Variants in CDH26 observed in about 807,000 individuals in gnomAD.
CDH26 encodes the protein cadherin-like protein 26.
Under a neutral mutation model 90.3 loss-of-function variants are expected in CDH26, and 83 were observed. The observed-to-expected ratio is 0.92, with a 90% CI of 0.77 to 1.10. The LOEUF (loss-of-function observed/expected upper bound fraction) is 1.10. CDH26 is among the 50% of genes least tolerant of loss of function. The pLI is 0.00. For missense variants in CDH26, 1,013 were observed against 1,037.6 expected, an observed-to-expected ratio of 0.98 and a Z score of 0.33; for synonymous variants, 397 against 396.3, an observed-to-expected ratio of 1.00 and a Z score of -0.02.
In CDH26 at chr20:60,023,210, TACTCC is replaced by T. The variant is rs1313553839; in HGVS notation, c.948-8015_948-8011del. Among the ~76,000 whole-genome samples, 7 of 152,356 alleles carry T rather than the reference TACTCC, an allele frequency of 4.6e-5. No homozygotes were observed. The East Asian group carries it at 1.4e-3, about 29-fold the overall frequency. On this transcript the variant is annotated intron_variant, in intron 7 of 8. Coordinates refer to the CDH26 transcript ENST00000370991. ...GAGGTGCCTGTGCACCAGGGAGCCC[TACTCC>T]ACTCCTGAACCACCTTCCTCTAGAC...
At position 59,984,777 on chromosome 20, in the gene CDH26, T is replaced by G. The variant is rs1209241133; in HGVS notation, c.680T>G (p.Ile227Arg). 3.1e-6 allele frequency: 5 copies of G among 1,612,142 alleles called. No homozygotes were observed. Residue 227 changes from isoleucine (I) to arginine (R), a missense_variant, in exon 6 of 18, where the codon ATA (isoleucine) becomes AGA (arginine). Transcript: ENST00000348616. The stretch of plus-strand genomic sequence containing the variant: ...CGGGTTGATCGCCTTAGTGGAGAAA[T>G]ACGACTCTCTGGCTGCTTAGATTAT... ...GFRVDRLSGE[I>R]RLSGCLDYET...
At chr20:59,966,574 G>A (rs2061151954) in intron 1 of CDH26, among the ~76,000 whole-genome samples, 1 of 152,214 alleles carries the variant, frequency 6.6e-6, no homozygotes, top group South Asian at 2.1e-4. Flanking sequence ...AGAATACAAT[G>A]GGGAGTTTGG....
intron 7 of CDH26, among the ~76,000 whole-genome samples, chr20:60,026,865 G>A (rs1014559023): frequency 6.6e-6 from 1 of 152,220 alleles, no homozygotes; most frequent in East Asian, 1.9e-4. Context: ...TAGCATGAAT[G>A]TAAACTTCCA....
At chr20:59,981,739 A>C (rs1290471033) in intron 4 of CDH26, among the ~76,000 whole-genome samples, 2 of 152,114 alleles carry the variant, frequency 1.3e-5, no homozygotes, top group Non-Finnish European at 2.9e-5. Context: ...TAATTTACAA[A>C]AATTTGACTT....
Position 59,987,463 on chromosome 20 carries a change from A to T in CDH26, c.848A>T (p.Gln283Leu). 1 of 1,611,284 alleles carries T rather than the reference A, an allele frequency of 6.2e-7. No homozygotes were observed. The highest frequency in any genetic ancestry group is 1.1e-5 in the South Asian group (1 of 90,500). ...PAFTQENYKV[Q>L]IPEGRASQGV... ...GATTGCTTCTTTCAGTATAAGGTTC[A>T]GATTCCTGAAGGCCGAGCCAGCCAG... Residue 283 changes from glutamine to leucine, a missense_variant, in exon 8 of 18, where the codon CAG becomes CTG. Coordinates refer to ENST00000348616, the MANE Select transcript of CDH26 (RefSeq NM_177980.4).
intron 7 of CDH26, among the ~76,000 whole-genome samples, chr20:60,029,987 G>A (rs1355428546): frequency 6.6e-6 from 1 of 152,136 alleles, no homozygotes. Context: ...GTCACTGAGA[G>A]ACAAGAGATT....
At chr20:59,965,684 A>T (rs1260923066) in intron 1 of CDH26, among the ~76,000 whole-genome samples, 1 of 152,236 alleles carries the variant, frequency 6.6e-6, no homozygotes, top group Non-Finnish European at 1.5e-5. Flanking sequence ...AAAGGGAGGA[A>T]TATTTTAATA....
chr20:60,023,601 T>C (rs2061974889), intron 7 of CDH26, among the ~76,000 whole-genome samples: 1 of 152,094 alleles, frequency 6.6e-6, no homozygotes, highest in Admixed American at 6.5e-5. Context: ...TATCACTGCT[T>C]TTAGCAATGT....
chr20:59,997,048 G>A (rs1271742927), intron 13 of CDH26, among the ~76,000 whole-genome samples: 1 of 152,226 alleles, frequency 6.6e-6, no homozygotes, highest in African/African-American at 2.4e-5. Context: ...CTGGCATCTA[G>A]TGCGTTGAGG....
rs2061758026 is a variant in CDH26, at chr20:60,006,748, G to A, written c.2256G>A (p.Leu752=). 6.2e-7 allele frequency: 1 copy of A among 1,613,976 alleles called. No individual in the cohort carries two copies. The change falls in exon 17 of 18, where the codon CTG becomes CTA. Residue 752 remains leucine (L), a synonymous_variant. Coordinates refer to ENST00000348616, the MANE Select transcript of CDH26 (RefSeq NM_177980.4). The part of the protein sequence containing the change: ...YPDATMHRQL[L]APVEGRMAET... ...ATGCCACAATGCACAGACAACTCCT[G>A]GCTCCGGTGGAAGGAAGGATGGCAG...
intron 17 of CDH26, 35 bp downstream of exon 17, chr20:60,006,822 A>G (rs754875568): frequency 7.9e-6 from 12 of 1,527,728 alleles, no homozygotes; most frequent in East Asian, 6.7e-5. Context: ...TGCACTAGCT[A>G]TGGGTTTTGC....
downstream of CDH26, among the ~76,000 whole-genome samples, chr20:60,016,770 T>A (rs73311207): frequency 3.2e-3 from 485 of 152,116 alleles, 5 homozygotes; most frequent in African/African-American, 0.011. Context: ...AGCCTTAATT[T>A]GTTGAGGCAC....
chr20:60,021,875 C>T (rs867381151), intron 7 of CDH26, among the ~76,000 whole-genome samples: 11 of 103,480 alleles, frequency 1.1e-4, no homozygotes, highest in African/African-American at 2.9e-4. Context: ...CACACACACA[C>T]ACACACACAC....
intron 9 of CDH26, among the ~76,000 whole-genome samples, chr20:59,991,094 C>A (rs1379166271): frequency 2.0e-5 from 3 of 151,934 alleles, no homozygotes; most frequent in Non-Finnish European, 4.4e-5. Context: ...GGTTTCCAAC[C>A]CACCCATAGA....
intron 14 of CDH26, 126 bp from the exon 15 acceptor site, chr20:60,001,217 T>A: frequency 1.1e-6 from 1 of 948,518 alleles, no homozygotes; most frequent in Non-Finnish European, 1.6e-6. Flanking sequence ...CCTCTCATCG[T>A]GTTAATTTGT....
chr20:59,968,970 A>G lies in CDH26; in HGVS notation c.73A>G (p.Ser25Gly). Residue 25 changes from serine to glycine, a missense_variant, in exon 2 of 18, where the codon AGT becomes GGT. Transcript: ENST00000348616. ...TAATATTATTTTTATTTTTAAGGTC[A>G]GTATCATTGACAGTGTTCAACAGGA... Reference protein sequence around the residue: ...LVLLLWLLQVSIIDSVQQETD... With the variant: ...LVLLLWLLQVGIIDSVQQETD... 6.5e-7 allele frequency: 1 copy of G among 1,539,050 alleles called. No individual in the cohort carries two copies. The highest frequency in any genetic ancestry group is 9.0e-7 in the Non-Finnish European group (1 of 1,115,592).
chr20:59,993,208 G>A (rs2061549369), intron 10 of CDH26, among the ~76,000 whole-genome samples: 1 of 152,016 alleles, frequency 6.6e-6, no homozygotes, highest in African/African-American at 2.4e-5. Context: ...AGTGTTTCAG[G>A]GTTCCGTCAT....
chr20:59,961,257 C>G (rs2061069277), intron 1 of CDH26, among the ~76,000 whole-genome samples: 1 of 151,470 alleles, frequency 6.6e-6, no homozygotes, highest in Admixed American at 6.6e-5. Context: ...CGTATTAGTG[C>G]AGTGCCAAAG....
chr20:59,960,255 GC>G (rs1476056492), intron 1 of CDH26, among the ~76,000 whole-genome samples: 1 of 152,172 alleles, frequency 6.6e-6, no homozygotes, highest in East Asian at 1.9e-4. Context: ...ACCTTGTTAA[GC>G]CTATTTTTCT....
Sources: gnomAD v4.1 joint callset for allele counts (sites outside exome capture counted in the v4.1 genomes callset) on GRCh38, gnomAD v4.1.1 for gene constraint, MANE v1.5 for transcripts, NCBI Gene and HGNC (gene_info 2026-07-23, HGNC 2026-07-21) for gene names.